ZFHX3: variants seen among roughly 807,000 people sequenced by gnomAD.
ZFHX3 encodes the protein zinc finger homeobox 3.
In ZFHX3, 42 loss-of-function variants were observed where a neutral mutation model predicts 279.1. The ratio of observed to expected loss-of-function variants is 0.15; its 90% CI spans 0.12 to 0.19. The LOEUF (loss-of-function observed/expected upper bound fraction) is 0.19, where lower values mean the gene tolerates loss of function less well. Ranked by LOEUF, ZFHX3 falls within the 10% of genes least tolerant of loss-of-function variation. ZFHX3 has a pLI of 1.00. For missense variants in ZFHX3, 4,981 were observed against 4,754.0 expected (o/e 1.05, Z -1.40); for synonymous variants, 2,293 against 1,957.8 (o/e 1.17, Z -4.52).
At chr16:73,606,993 A>AAACAAACAACAAC (rs1555527889) in intron 2 of ZFHX3, among the ~76,000 whole-genome samples, 3 of 151,484 alleles carry the variant, frequency 2.0e-5, no homozygotes, top group East Asian at 3.9e-4. Context: ...ACAAACAAAC[A>AAACAAACAACAAC]AACAACAACA....
At chr16:72,892,064 G>C (rs1394537766) in intron 3 of ZFHX3, among the ~76,000 whole-genome samples, 1 of 152,232 alleles carries the variant, frequency 6.6e-6, no homozygotes, top group South Asian at 2.1e-4. Flanking sequence ...CCTATCAAGG[G>C]ACACTGCCCT....
intron 5 of ZFHX3, among the ~76,000 whole-genome samples, chr16:73,223,143 AGATGGCCTTGGGTTTGGC>A (rs1369643787): frequency 6.6e-6 from 1 of 152,160 alleles, no homozygotes; most frequent in African/African-American, 2.4e-5. Context: ...GAGAAAATCT[AGATGGCCTTGGGTTTGGC>A]GATGACTTTT....
At chr16:73,154,189 A>C (rs1331828817) in intron 5 of ZFHX3, among the ~76,000 whole-genome samples, 2 of 152,102 alleles carry the variant, frequency 1.3e-5, no homozygotes, top group Non-Finnish European at 2.9e-5. Flanking sequence ...AGCCCCTGGG[A>C]TTTGGCATCC....
intron 3 of ZFHX3, among the ~76,000 whole-genome samples, chr16:73,327,503 T>C (rs2015715026): frequency 6.6e-6 from 1 of 152,224 alleles, no homozygotes; most frequent in African/African-American, 2.4e-5. Context: ...AAGCACAGTC[T>C]TCAGGTCCCT....
intron 7 of ZFHX3, among the ~76,000 whole-genome samples, chr16:73,128,274 T>A (rs959887216): frequency 6.6e-6 from 1 of 152,204 alleles, no homozygotes; most frequent in Non-Finnish European, 1.5e-5. Context: ...TTTATTTATA[T>A]ACAGCACATG....
chr16:72,927,278 T>A (rs1031481284), intron 3 of ZFHX3, among the ~76,000 whole-genome samples: 2 of 152,238 alleles, frequency 1.3e-5, no homozygotes, highest in African/African-American at 4.8e-5. Context: ...GTCTTCTCCC[T>A]GTGTCACAGT....
intron 2 of ZFHX3, among the ~76,000 whole-genome samples, chr16:73,590,080 C>A (rs2051978340): frequency 6.6e-6 from 1 of 152,078 alleles, no homozygotes; most frequent in Non-Finnish European, 1.5e-5. Context: ...AGAAAAGAAG[C>A]AATCCTATTG....
chr16:73,880,482 T>C (rs760361345), intron 1 of ZFHX3, among the ~76,000 whole-genome samples: 20 of 152,302 alleles, frequency 1.3e-4, no homozygotes, highest in South Asian at 6.2e-4. Flanking sequence ...TTAAAAATTA[T>C]CACTCTGTAA....
chr16:73,636,614 G>A (rs942141220), intron 2 of ZFHX3, among the ~76,000 whole-genome samples: 1 of 151,862 alleles, frequency 6.6e-6, no homozygotes, highest in Non-Finnish European at 1.5e-5. Flanking sequence ...CTATATATTA[G>A]CAATAACCAG....
chr16:73,288,727 C>A (rs1383030340), intron 4 of ZFHX3, among the ~76,000 whole-genome samples: 1 of 152,072 alleles, frequency 6.6e-6, no homozygotes, highest in East Asian at 1.9e-4. Context: ...ACACAAAAGG[C>A]GGCTCCGAGA....
At position 73,185,812 on chromosome 16, in the gene ZFHX3, C is replaced by T. The variant is rs113735223; in HGVS notation, c.-1103-41981G>A. Among the ~76,000 whole-genome samples, 17 of 152,234 alleles carry T rather than the reference C, an allele frequency of 1.1e-4. No individual in the cohort carries two copies. In the South Asian group the frequency reaches 1.5e-3, roughly 13 times the overall value. On this transcript the variant is annotated intron_variant, in intron 5 of 17. Transcript: ENST00000641206. ...CCCAGCCACAGGGGTCCCCAATCCC[C>T]GGGCCACGGACCAGTACTGGTCCAT...
chr16:73,810,939 C>T (rs1319893554), intron 1 of ZFHX3, among the ~76,000 whole-genome samples: 1 of 152,030 alleles, frequency 6.6e-6, no homozygotes, highest in African/African-American at 2.4e-5. Flanking sequence ...TGCTATAATA[C>T]TAAATTCTTC....
At chr16:73,444,849 G>C (rs887232979) in intron 3 of ZFHX3, among the ~76,000 whole-genome samples, 1 of 151,982 alleles carries the variant, frequency 6.6e-6, no homozygotes, top group Non-Finnish European at 1.5e-5. Context: ...GCCGGGTGCG[G>C]TGGCTCACGC....
chr16:73,429,820 G>A (rs182186448), intron 3 of ZFHX3, among the ~76,000 whole-genome samples: 12 of 152,172 alleles, frequency 7.9e-5, no homozygotes, highest in African/African-American at 1.2e-4. Flanking sequence ...AACCATCCTC[G>A]CTCCCCCACA....
At chr16:73,059,512 T>C (rs1349510795) in exon 1 of ZFHX3, 1 of 120,660 alleles carries the variant, frequency 8.3e-6, no homozygotes, top group Non-Finnish European at 1.7e-5. Context: ...TTCTTTCTTA[T>C]TATTTTCCCC....
At chr16:73,168,211 TTTTCTTTCTTTCTTTCTTTCTTTCTTTC>T (rs71156144) in intron 5 of ZFHX3, among the ~76,000 whole-genome samples, 15 of 95,312 alleles carry the variant, frequency 1.6e-4, no homozygotes, top group Non-Finnish European at 2.9e-4. Context: ...GTTTCTTTTG[TTTTCTTTCTTTCTTTCTTTCTTTCTTTC>T]TTTCTTTCTT....
rs765309775 is a variant in ZFHX3 at position 72,788,083 on chromosome 16, G to GCTTTGGGCTGCTGCTGCTGCA, written c.10172_10192dup (p.Val3391_Lys3397dup). The stretch of plus-strand genomic sequence containing the variant: ...CCCGGGGGGGACTGGGGTTTGGCTT[G>GCTTTGGGCTGCTGCTGCTGCA]CTTTGGGCTGCTGCTGCTGCACTTT... On this transcript the variant is annotated inframe_insertion, in exon 10 of 10. Coordinates refer to ENST00000268489, the MANE Select transcript of ZFHX3 (RefSeq NM_006885.4). 3 of 1,611,976 alleles carry GCTTTGGGCTGCTGCTGCTGCA rather than the reference G, an allele frequency of 1.9e-6. No homozygotes were observed. In the Admixed American group the frequency reaches 5.0e-5, roughly 27 times the overall value.
Position 73,029,999 on chromosome 16 carries a change from C to T in ZFHX3, c.-50+17753G>A, listed in dbSNP as rs1279701384. ...TTGATCCTCTAATTTTCCACAAACT[C>T]TTAGGCATGTTTTGTTTTAATAAGT... On this transcript the variant is annotated intron_variant, in intron 1 of 9. Transcript: ENST00000268489. Among the ~76,000 whole-genome samples the T allele has an allele frequency of 9.2e-5, 14 of 152,224 alleles. No homozygotes were observed. The East Asian group carries it at 2.7e-3, about 29-fold the overall frequency.
At chr16:72,883,112 T>C (rs2038535744) in intron 4 of ZFHX3, among the ~76,000 whole-genome samples, 1 of 150,892 alleles carries the variant, frequency 6.6e-6, no homozygotes, top group African/African-American at 2.4e-5. Flanking sequence ...ACAAGGAATA[T>C]GTAATCAGAA....
Sources: gnomAD v4.1 joint callset for allele counts (sites outside exome capture counted in the v4.1 genomes callset) on GRCh38, gnomAD v4.1.1 for gene constraint, MANE v1.5 for transcripts, NCBI Gene and HGNC (gene_info 2026-07-23, HGNC 2026-07-21) for gene names.